Variants in SHC2 observed in about 807,000 individuals in gnomAD.
SHC2 encodes SHC-transforming protein 2.
Under a neutral mutation model 60.6 loss-of-function variants are expected in SHC2, and 62 were observed. The observed-to-expected ratio is 1.02, with a 90% CI of 0.83 to 1.26. The LOEUF is 1.26. Among genes scored for constraint, SHC2 ranks in the 50% most tolerant of loss-of-function variants. The pLI, the probability that SHC2 is intolerant of heterozygous loss-of-function variation, is 0.00. For synonymous variants in SHC2, 375 were observed against 372.4 expected, an observed-to-expected ratio of 1.01 and a Z score of -0.08; for missense variants, 873 against 822.2, an observed-to-expected ratio of 1.06 and a Z score of -0.76.
At position 446,856 on chromosome 19, in the gene SHC2, C is replaced by T. The variant is rs1975065547; in HGVS notation, c.469-5924G>A. ...CACCTGGCCGGCCTCACGCACGCAG[C>T]AGGCCAGGGCAGATACAAGCCGAGG... On this transcript the variant is annotated intron_variant, in intron 1 of 12. Coordinates refer to ENST00000264554, the MANE Select transcript of SHC2 (RefSeq NM_012435.3). The surrounding 1 kb of genome is among the most constrained non-coding windows in gnomAD (Gnocchi z 5.4). 6.6e-6 allele frequency among the ~76,000 whole-genome samples: 1 copy of T among 152,176 alleles called. No homozygotes were observed. The highest frequency in any genetic ancestry group is 2.4e-5 in the African/African-American group (1 of 41,452).
rs970587414 is a variant in SHC2 at position 437,042 on chromosome 19, C to A, written c.721-359G>T. ...AGCCCCACACACATGCACACACACA[C>A]ACACACCCGAAGCAGCCACGGGAGG... On this transcript the variant is annotated intron_variant, in intron 4 of 12. Transcript: ENST00000264554. Among the ~76,000 whole-genome samples the A allele has an allele frequency of 8.5e-5, 13 of 152,180 alleles. No individual in the cohort carries two copies. The East Asian group carries it at 1.5e-3, about 18-fold the overall frequency.
chr19:430,789 C>T lies in SHC2; in HGVS notation c.1111-42G>A, dbSNP rs760934593. 6 of 1,591,560 alleles carry T rather than the reference C, an allele frequency of 3.8e-6. 1 individual carries two copies. The South Asian group carries it at 4.5e-5, about 12-fold the overall frequency. On this transcript the variant is annotated intron_variant, in intron 8 of 12. Transcript: ENST00000264554. ...GAGAGGTTCCCCGGTGTGTGCAAGC[C>T]CCTCTTCCTGGCTCTGGACCCCCAG...
At position 427,989 on chromosome 19, in the gene SHC2, C is replaced by G. The variant is rs72486326; in HGVS notation, c.1174+2695G>C. 1.6e-3 allele frequency among the ~76,000 whole-genome samples: 237 copies of G among 151,236 alleles called. 1 individual carries two copies. The East Asian group carries it at 0.042, about 27-fold the overall frequency. ...GGCACAGGGAAGAGAAATTGCACCCCGCACAGGGAAGGGAGGATCTCTTGA... is the reference window on the plus strand; with the variant it reads ...GGCACAGGGAAGAGAAATTGCACCCGGCACAGGGAAGGGAGGATCTCTTGA... On this transcript the variant is annotated intron_variant, in intron 9 of 12. Coordinates refer to ENST00000264554, the MANE Select transcript of SHC2 (RefSeq NM_012435.3).
At chr19:448,146 C>T (rs1010202568) in intron 1 of SHC2, among the ~76,000 whole-genome samples, 2 of 152,224 alleles carry the variant, frequency 1.3e-5, no homozygotes, top group African/African-American at 4.8e-5. Flanking sequence ...CACGAGTCCC[C>T]GCAGATCTTC....
intron 1 of SHC2, 22 bp downstream of exon 1, chr19:460,507 G>C (rs74684491): frequency 9.4e-7 from 1 of 1,065,758 alleles, no homozygotes; most frequent in Non-Finnish European, 1.2e-6. Flanking sequence ...ACGGGCTCCC[G>C]GGGGGGGTGG....
intron 1 of SHC2, among the ~76,000 whole-genome samples, chr19:442,670 A>G (rs183244774): frequency 8.8e-3 from 149 of 16,984 alleles, no homozygotes; most frequent in Non-Finnish European, 0.011. Context: ...TGGGTGGATG[A>G]GTGGATGGGT....
chr19:425,920 T>A lies in SHC2; in HGVS notation c.1175-689A>T, dbSNP rs1440207384. On this transcript the variant is annotated intron_variant, in intron 9 of 12. Coordinates refer to ENST00000264554, the MANE Select transcript of SHC2 (RefSeq NM_012435.3). The surrounding 1 kb of genome is among the most constrained non-coding windows in gnomAD (Gnocchi z 4.1). ...GGTGGGCGCCTGCAATCCCAGCTAT[T>A]TGGGAGGCTGAGGCATGAGAATCAC... Among the ~76,000 whole-genome samples the A allele has an allele frequency of 1.3e-5, 2 of 151,936 alleles. No individual in the cohort carries two copies. Among genetic ancestry groups the A allele is most frequent in the Admixed American group, 1.3e-4 (2 of 15,262 alleles).
intron 4 of SHC2, among the ~76,000 whole-genome samples, chr19:437,166 A>C (rs1207562837): frequency 6.6e-6 from 1 of 151,966 alleles, no homozygotes; most frequent in African/African-American, 2.4e-5. Flanking sequence ...TTGTTTGCCT[A>C]CTGATCTGCA....
intron 1 of SHC2, among the ~76,000 whole-genome samples, chr19:451,538 G>T (rs190933882): frequency 6.6e-6 from 1 of 152,222 alleles, no homozygotes; most frequent in Non-Finnish European, 1.5e-5. Context: ...CCATTTCTGG[G>T]AGGTATATAT....
intron 11 of SHC2, among the ~76,000 whole-genome samples, chr19:420,491 C>T (rs2145686068): frequency 6.6e-6 from 1 of 152,294 alleles, no homozygotes; most frequent in Middle Eastern, 3.4e-3. Context: ...CTCGGACGCT[C>T]AAAACGCTTC....
chr19:438,947 G>A lies in SHC2; in HGVS notation c.600+23C>T, dbSNP rs781168560. The A allele has an allele frequency of 2.6e-5, 41 of 1,585,290 alleles. No individual in the cohort carries two copies. Among genetic ancestry groups the A allele is most frequent in the Non-Finnish European group, 3.1e-5 (36 of 1,164,150 alleles). On this transcript the variant is annotated intron_variant, in intron 3 of 12. Coordinates refer to ENST00000264554, the MANE Select transcript of SHC2 (RefSeq NM_012435.3). This position sits in a 1 kb window ranked among gnomAD's most constrained non-coding sequence, Gnocchi z 5.0. Reference sequence around the variant, plus strand: ...CCCCCGACTGCCCCACCAGCCCCACGAGAGACCACAAGCCTCACTCACCTT... The same window carrying A: ...CCCCCGACTGCCCCACCAGCCCCACAAGAGACCACAAGCCTCACTCACCTT...
At chr19:437,883 C>A (rs1029426505) in intron 4 of SHC2, among the ~76,000 whole-genome samples, 2 of 152,234 alleles carry the variant, frequency 1.3e-5, no homozygotes, top group Non-Finnish European at 2.9e-5. Context: ...CAGGAAGTCT[C>A]TTCTAGCACC....
At chr19:429,876 C>A (rs1974527676) in intron 9 of SHC2, among the ~76,000 whole-genome samples, 1 of 150,474 alleles carries the variant, frequency 6.6e-6, no homozygotes, top group Non-Finnish European at 1.5e-5. Context: ...GTGGATGACG[C>A]AGTACCTATA....
intron 9 of SHC2, among the ~76,000 whole-genome samples, chr19:427,409 G>C (rs937367515): frequency 6.6e-6 from 1 of 152,242 alleles, no homozygotes. Context: ...AGCTACCTGA[G>C]GGAGCGGGAA....
At position 441,167 on chromosome 19, in the gene SHC2, G is replaced by C; in HGVS notation, c.469-235C>G. The C allele has an allele frequency of 1.0e-6, 1 of 984,916 alleles. No individual in the cohort carries two copies. Among genetic ancestry groups the C allele is most frequent in the South Asian group, 4.7e-5 (1 of 21,234 alleles). The allele number at this position is 984,916 out of a possible 1,614,324, so 61.0% of individuals were successfully genotyped here. On this transcript the variant is annotated intron_variant, in intron 1 of 12. Coordinates refer to ENST00000264554, the MANE Select transcript of SHC2 (RefSeq NM_012435.3). The surrounding 1 kb of genome is among the most constrained non-coding windows in gnomAD (Gnocchi z 4.9). ...TTTTCTGTGTTGCTGTTTCTCAGGA[G>C]CCTGGTGGTTCCCCCAGACGCTCTA...
At chr19:442,902 G>T in intron 1 of SHC2, among the ~76,000 whole-genome samples, 1 of 145,776 alleles carries the variant, frequency 6.9e-6, no homozygotes, top group Non-Finnish European at 1.5e-5. Context: ...TGGATGAATG[G>T]ATGGATGGAC....
chr19:451,874 G>A (rs900901542), intron 1 of SHC2, among the ~76,000 whole-genome samples: 9 of 152,182 alleles, frequency 5.9e-5, no homozygotes, highest in African/African-American at 9.7e-5. Context: ...TGGGATTATA[G>A]GAATGAGCCT....
intron 9 of SHC2, among the ~76,000 whole-genome samples, chr19:427,573 A>G (rs1235523193): frequency 2.2e-5 from 3 of 135,128 alleles, no homozygotes; most frequent in East Asian, 2.3e-4. Context: ...TGCGCACGGC[A>G]CAGGGAAGGG....
In SHC2 at chr19:424,526, C is replaced by T. The variant is rs1392169816; in HGVS notation, c.1309+571G>A. On this transcript the variant is annotated intron_variant, in intron 10 of 12. Transcript: ENST00000264554. This position sits in a 1 kb window ranked among gnomAD's most constrained non-coding sequence, Gnocchi z 4.5. ...GGCCGGGATTCCCACAGAGAAAAGA[C>T]GAGGCCTCCCCTCTCAGACTAAGGA... is the stretch of plus-strand genomic sequence containing the variant. Among the ~76,000 whole-genome samples, 1 of 152,180 alleles carries T rather than the reference C, an allele frequency of 6.6e-6. No homozygotes were observed. Among genetic ancestry groups the T allele is most frequent in the Non-Finnish European group, 1.5e-5 (1 of 68,022 alleles).
Sources: gnomAD v4.1 joint callset for allele counts (sites outside exome capture counted in the v4.1 genomes callset) on GRCh38, gnomAD v4.1.1 for gene constraint, Gnocchi (gnomAD v3.1) non-coding constraint, MANE v1.5 for transcripts, NCBI Gene and HGNC (gene_info 2026-07-23, HGNC 2026-07-21) for gene names.